ANXA4: variants seen among roughly 807,000 people sequenced by gnomAD.
ANXA4 encodes the protein annexin A4.
A neutral mutation model predicts 49.8 loss-of-function variants in ANXA4; 39 were observed. The observed-to-expected ratio is 0.78, with a 90% CI of 0.61 to 1.02. ANXA4 has a LOEUF of 1.02. Among genes scored for constraint, ANXA4 ranks in the 50% least tolerant of loss-of-function variants. ANXA4 has a pLI of 0.00. For synonymous variants in ANXA4, 134 were observed against 152.5 expected, an observed-to-expected ratio of 0.88 and a Z score of 0.89; for missense variants, 360 against 410.1, an observed-to-expected ratio of 0.88 and a Z score of 1.05.
chr2:69,721,063 C>T (rs769082155), intron 3 of ANXA4, among the ~76,000 whole-genome samples: 3 of 152,236 alleles, frequency 2.0e-5, no homozygotes, highest in Non-Finnish European at 4.4e-5. Context: ...CTCTAAGAAA[C>T]TTGGGAGGTC....
intron 12 of ANXA4, among the ~76,000 whole-genome samples, chr2:69,821,622 T>A (rs552495507): frequency 5.0e-4 from 76 of 152,026 alleles, no homozygotes; most frequent in Non-Finnish European, 9.0e-4. Flanking sequence ...GGCATGAGCT[T>A]TGTATTTTTT....
intron 1 of ANXA4, among the ~76,000 whole-genome samples, chr2:69,777,659 A>G (rs370700116): frequency 3.3e-5 from 5 of 152,174 alleles, no homozygotes; most frequent in Non-Finnish European, 7.3e-5. Flanking sequence ...GCTTTTGTCC[A>G]TCCTTCAAAC....
chr2:69,668,988 G>T (rs778373352), intron 2 of ANXA4, among the ~76,000 whole-genome samples: 36 of 150,516 alleles, frequency 2.4e-4, no homozygotes, highest in Non-Finnish European at 4.7e-4. Flanking sequence ...CCAGGCTGCA[G>T]TGCAGTGGTG....
chr2:69,800,167 A>G (rs1397640979), intron 3 of ANXA4, among the ~76,000 whole-genome samples: 3 of 152,218 alleles, frequency 2.0e-5, no homozygotes, highest in African/African-American at 7.2e-5. Context: ...AGTTCAAGCC[A>G]CTGTTCTATG....
chr2:69,788,202 G>A, intron 3 of ANXA4, 61 bp downstream of exon 3: 1 of 1,482,686 alleles, frequency 6.7e-7, no homozygotes, highest in Non-Finnish European at 9.4e-7. Flanking sequence ...GGTCACACAG[G>A]AGGGTGCCAT....
At chr2:69,691,815 G>C (rs533261892) in intron 2 of ANXA4, among the ~76,000 whole-genome samples, 57 of 152,224 alleles carry the variant, frequency 3.7e-4, no homozygotes, top group African/African-American at 1.4e-3. Flanking sequence ...ATTATAGCTG[G>C]GTTTCCTGGC....
chr2:69,777,094 A>T (rs571571583), intron 1 of ANXA4, among the ~76,000 whole-genome samples: 1 of 152,294 alleles, frequency 6.6e-6, no homozygotes, highest in Admixed American at 6.5e-5. Context: ...GGAAGAATGC[A>T]TAGGGTGGGG....
chr2:69,782,507 T>A (rs183296016), intron 2 of ANXA4, among the ~76,000 whole-genome samples: 34 of 152,246 alleles, frequency 2.2e-4, no homozygotes, highest in South Asian at 6.2e-4. Flanking sequence ...AGAATTTTTT[T>A]AAAAATATTT....
At chr2:69,779,407 G>A (rs986311101) in intron 1 of ANXA4, among the ~76,000 whole-genome samples, 1 of 151,740 alleles carries the variant, frequency 6.6e-6, no homozygotes, top group Non-Finnish European at 1.5e-5. Flanking sequence ...GGTCATGTAG[G>A]AACATTTGGT....
chr2:69,776,673 G>T (rs1029848523), intron 1 of ANXA4, among the ~76,000 whole-genome samples: 3 of 151,894 alleles, frequency 2.0e-5, no homozygotes, highest in Non-Finnish European at 4.4e-5. Flanking sequence ...GGCTTCCCTG[G>T]GCCACATTGG....
chr2:69,789,389 G>T (rs1672572252), intron 3 of ANXA4, among the ~76,000 whole-genome samples: 1 of 152,066 alleles, frequency 6.6e-6, no homozygotes. Context: ...TCTGCTTGTT[G>T]CTGTGGTGAT....
rs763588413 is a variant in ANXA4 at position 69,813,738 on chromosome 2, TTC to T, written c.534+1049_534+1050del. Among the ~76,000 whole-genome samples the T allele has an allele frequency of 7.7e-3, 1,020 of 131,942 alleles. 78 individuals carry two copies. Among genetic ancestry groups the T allele is most frequent in the Middle Eastern group, 0.019 (5 of 266 alleles). 86.6% of individuals were successfully genotyped at this position (131,942 alleles called of 152,430 possible). ...AACCAATTGGCATCTAGACCCAGTA[TTC>T]TCTCTCTCTCTCTCTCTCTTTTTTT... is the stretch of plus-strand genomic sequence containing the variant. On this transcript the variant is annotated intron_variant, in intron 8 of 12. Coordinates refer to ENST00000394295, the MANE Select transcript of ANXA4 (RefSeq NM_001153.5).
upstream of ANXA4, among the ~76,000 whole-genome samples, chr2:69,739,913 T>G (rs1248048266): frequency 6.6e-6 from 1 of 152,186 alleles, no homozygotes; most frequent in Non-Finnish European, 1.5e-5. Flanking sequence ...AGGGAGAAAC[T>G]GAGCAAAGAT....
rs192009977 is a variant in ANXA4, at chr2:69,681,416, G to A, written n.766+28134G>A. Among the ~76,000 whole-genome samples, 885 of 149,908 alleles carry A rather than the reference G, an allele frequency of 5.9e-3. 20 individuals carry two copies. Among genetic ancestry groups the A allele is most frequent in the Admixed American group, 9.8e-3 (147 of 15,068 alleles). Reference sequence around the variant, plus strand: ...GTCTCACTCTGTTGCCCAGGCTGGAGTGCCGTGGTGCAATCTCAGCTCACT... The same window carrying A: ...GTCTCACTCTGTTGCCCAGGCTGGAATGCCGTGGTGCAATCTCAGCTCACT... On this transcript the variant is annotated intron_variant and non_coding_transcript_variant, in intron 2 of 3. Coordinates refer to the ANXA4 transcript ENST00000418066.
At chr2:69,824,533 A>G (rs529116203) in intron 12 of ANXA4, among the ~76,000 whole-genome samples, 1 of 152,174 alleles carries the variant, frequency 6.6e-6, no homozygotes, top group African/African-American at 2.4e-5. Context: ...GTTTAAGAAA[A>G]TGCATTTAGT....
intron 3 of ANXA4, among the ~76,000 whole-genome samples, chr2:69,802,052 G>A (rs1447605343): frequency 6.6e-6 from 1 of 152,232 alleles, no homozygotes; most frequent in African/African-American, 2.4e-5. Context: ...GCTGCCTAGT[G>A]TCCTTTTATG....
chr2:69,685,018 G>A (rs1206651191), intron 2 of ANXA4, among the ~76,000 whole-genome samples: 2 of 152,128 alleles, frequency 1.3e-5, no homozygotes, highest in African/African-American at 2.4e-5. Flanking sequence ...ACCAACAATC[G>A]TCAGGGATAT....
intron 1 of ANXA4, among the ~76,000 whole-genome samples, chr2:69,767,914 A>G (rs1335477963): frequency 6.6e-6 from 1 of 152,146 alleles, no homozygotes; most frequent in Non-Finnish European, 1.5e-5. Flanking sequence ...ACGCATATGT[A>G]CATACTCTTT....
chr2:69,787,207 A>T (rs770430515), intron 2 of ANXA4, among the ~76,000 whole-genome samples: 5 of 152,258 alleles, frequency 3.3e-5, no homozygotes, highest in Non-Finnish European at 5.9e-5. Flanking sequence ...TAGTGTCATC[A>T]AATGTCAAGT....
Sources: allele counts gnomAD v4.1 joint callset (sites outside exome capture counted in the v4.1 genomes callset), GRCh38; gene constraint gnomAD v4.1.1; transcripts MANE v1.5; gene names NCBI Gene and HGNC (gene_info 2026-07-23, HGNC 2026-07-21).